The following RBM6 variants were observed in gnomAD, a reference collection of about 807,000 sequenced individuals.
RBM6 encodes RNA-binding protein 6.
Under a neutral mutation model 140.4 loss-of-function variants are expected in RBM6, and 23 were observed. The observed-to-expected ratio is 0.16, with a 90% CI of 0.12 to 0.23. RBM6 has a LOEUF of 0.23. Ranked by LOEUF, RBM6 falls within the 10% of genes least tolerant of loss-of-function variation. The probability of loss-of-function intolerance (pLI) is 1.00; values close to 1 mark genes in which losing one functional copy is unlikely to be tolerated. For missense variants in RBM6, 1,139 were observed against 1,386.7 expected (o/e 0.82, Z 2.84); for synonymous variants, 439 against 475.6 (o/e 0.92, Z 1.00).
intron 11 of RBM6, among the ~76,000 whole-genome samples, chr3:50,060,067 A>C (rs1177352115): frequency 6.6e-6 from 1 of 152,108 alleles, no homozygotes; most frequent in African/African-American, 2.4e-5. Context: ...AGCGGGTTAC[A>C]TGAGCCCAGG....
rs114553143 is a variant in RBM6, at chr3:50,066,203, G to T, written c.2683-39G>T. On this transcript the variant is annotated intron_variant, in intron 16 of 20. Coordinates refer to ENST00000266022, the MANE Select transcript of RBM6 (RefSeq NM_005777.3). Reference sequence around the variant, plus strand: ...CAAAAAAAATGGACCCCAAAATATAGGTTGAATTTGGTATTGATCCCTGGC... The same window carrying T: ...CAAAAAAAATGGACCCCAAAATATATGTTGAATTTGGTATTGATCCCTGGC... 2.6e-6 allele frequency: 4 copies of T among 1,564,892 alleles called. No homozygotes were observed. The South Asian group carries it at 4.7e-5, about 19-fold the overall frequency.
At chr3:49,976,739 T>C (rs1312545576) in intron 5 of RBM6, among the ~76,000 whole-genome samples, 2 of 152,196 alleles carry the variant, frequency 1.3e-5, no homozygotes, top group African/African-American at 2.4e-5. Context: ...TCATTGACTT[T>C]CTAATTGTCA....
At chr3:50,062,935 C>T (rs1237433959) in intron 15 of RBM6, among the ~76,000 whole-genome samples, 1 of 149,758 alleles carries the variant, frequency 6.7e-6, no homozygotes, top group African/African-American at 2.5e-5. Context: ...CCTCTGTCTC[C>T]CAGGTTGGAG....
chr3:50,054,436 G>T, intron 8 of RBM6, 41 bp downstream of exon 8: 2 of 1,490,242 alleles, frequency 1.3e-6, no homozygotes, highest in Non-Finnish European at 1.9e-6. Flanking sequence ...CTCGTGCATT[G>T]AGCAAAACAA....
chr3:50,071,991 G>C (rs570311486), intron 19 of RBM6, among the ~76,000 whole-genome samples: 30 of 145,174 alleles, frequency 2.1e-4, no homozygotes, highest in African/African-American at 7.2e-4. Context: ...GGCTGGGGCA[G>C]AAGAATCGCT....
intron 6 of RBM6, among the ~76,000 whole-genome samples, chr3:50,026,545 A>G (rs2087835037): frequency 6.6e-6 from 1 of 151,548 alleles, no homozygotes; most frequent in African/African-American, 2.4e-5. Context: ...ACGTCTGGCT[A>G]ATTTTTTGTA....
chr3:49,951,212 TTTTG>T (rs1157443935), intron 1 of RBM6, among the ~76,000 whole-genome samples: 2 of 152,156 alleles, frequency 1.3e-5, no homozygotes, highest in African/African-American at 4.8e-5. Flanking sequence ...TACTATTTCT[TTTTG>T]TTTGTTTGTT....
chr3:50,041,423 C>T (rs1350607709), intron 6 of RBM6, among the ~76,000 whole-genome samples: 1 of 152,160 alleles, frequency 6.6e-6, no homozygotes, highest in Admixed American at 6.5e-5. Flanking sequence ...CCATCTCCTC[C>T]TTCCCTCTTC....
At position 49,982,262 on chromosome 3, in the gene RBM6, C is replaced by CTTTTTTTTTTTTTTTTTTT. The variant is rs751604271; in HGVS notation, c.1483+6880_1483+6898dup. ...GTACCTTCTGCATTTCTTTTCTTTTCTTTTTTTTTTTTTTTTTTTTTTTTT... is the reference window on the plus strand; with the variant it reads ...GTACCTTCTGCATTTCTTTTCTTTTCTTTTTTTTTTTTTTTTTTTTTTTTTTTTTTTTTTTTTTTTTTTT... On this transcript the variant is annotated intron_variant, in intron 5 of 20. Transcript: ENST00000266022. Among the ~76,000 whole-genome samples the CTTTTTTTTTTTTTTTTTTT allele has an allele frequency of 2.3e-4, 16 of 68,422 alleles. 2 individuals are homozygous for CTTTTTTTTTTTTTTTTTTT. The highest frequency in any genetic ancestry group is 8.4e-4 in the African/African-American group (14 of 16,748). 44.9% of individuals were successfully genotyped at this position (68,422 alleles called of 152,430 possible).
Position 49,967,556 on chromosome 3 carries a change from C to A in RBM6, c.131C>A (p.Ser44Tyr), listed in dbSNP as rs757342873. Residue 44 changes from serine (S) to tyrosine (Y), a missense_variant, in exon 3 of 21, where the codon TCT (serine) becomes TAT (tyrosine). Around this residue, in one of 9 missense-constraint regions of RBM6, gnomAD observed 566 missense variants for 612.7 expected, o/e 0.92. Transcript: ENST00000266022. This position sits in a 1 kb window ranked among gnomAD's most constrained non-coding sequence, Gnocchi z 4.0. ...PLKSHAQERH[S>Y]GNFPGRDSLP... Reference sequence around the variant, plus strand: ...AAGAGTCATGCTCAAGAGAGACACTCTGGCAACTTTCCTGGCAGAGATTCA... The same window carrying A: ...AAGAGTCATGCTCAAGAGAGACACTATGGCAACTTTCCTGGCAGAGATTCA... 6.2e-7 allele frequency: 1 copy of A among 1,614,032 alleles called. No homozygotes were observed. The highest frequency in any genetic ancestry group is 8.5e-7 in the Non-Finnish European group (1 of 1,180,030).
At chr3:50,068,632 G>A in intron 17 of RBM6, 58 bp from the exon 18 acceptor site, 2 of 1,485,648 alleles carry the variant, frequency 1.3e-6, no homozygotes, top group African/African-American at 1.4e-5. Flanking sequence ...AGGCCTAGAA[G>A]CATCTCTAGG....
chr3:49,951,151 A>G (rs1006378796), intron 1 of RBM6, among the ~76,000 whole-genome samples: 1 of 152,232 alleles, frequency 6.6e-6, no homozygotes, highest in Non-Finnish European at 1.5e-5. Flanking sequence ...AGTGAAAATC[A>G]TAGAAACAGA....
At chr3:49,987,942 A>G in intron 5 of RBM6, among the ~76,000 whole-genome samples, 1 of 152,078 alleles carries the variant, frequency 6.6e-6, no homozygotes, top group African/African-American at 2.4e-5. Context: ...CCGGTCATCA[A>G]AGATAATGTT....
At chr3:49,945,176 ATTTT>A (rs34249907) in intron 1 of RBM6, among the ~76,000 whole-genome samples, 1 of 122,116 alleles carries the variant, frequency 8.2e-6, no homozygotes. Flanking sequence ...CGCCCGGCCA[ATTTT>A]TTTTTTTTTT....
At chr3:50,075,136 A>G (rs748683818) in intron 19 of RBM6, 65 bp from the exon 20 acceptor site, 1 of 1,581,048 alleles carries the variant, frequency 6.3e-7, no homozygotes, top group Non-Finnish European at 8.6e-7. Flanking sequence ...AGCCTGGGCA[A>G]AAAGAGTGAA....
At chr3:49,974,028 G>C (rs1346240803) in intron 4 of RBM6, among the ~76,000 whole-genome samples, 1 of 152,060 alleles carries the variant, frequency 6.6e-6, no homozygotes, top group Admixed American at 6.6e-5. Flanking sequence ...CTCCTGAGTA[G>C]CTGGGACTAC....
intron 6 of RBM6, among the ~76,000 whole-genome samples, chr3:50,038,519 T>C (rs2088677441): frequency 6.6e-6 from 1 of 152,168 alleles, no homozygotes; most frequent in African/African-American, 2.4e-5. Flanking sequence ...CATCTCAGAA[T>C]ATAAAAGTGT....
intron 5 of RBM6, among the ~76,000 whole-genome samples, chr3:49,984,666 GCATCA>G (rs1291188488): frequency 5.5e-5 from 8 of 145,478 alleles, no homozygotes; most frequent in Admixed American, 1.4e-4. Context: ...GCATCGCATT[GCATCA>G]CATCACATCA....
intron 6 of RBM6, among the ~76,000 whole-genome samples, chr3:50,030,070 A>G (rs976272378): frequency 4.2e-4 from 64 of 152,094 alleles, no homozygotes; most frequent in African/African-American, 1.4e-3. Flanking sequence ...GTTCGAGACC[A>G]GCCTGGGCAA....
Sources: allele counts gnomAD v4.1 joint callset (sites outside exome capture counted in the v4.1 genomes callset), GRCh38; gene constraint gnomAD v4.1.1; regional missense constraint gnomAD v4.1.1; non-coding constraint Gnocchi (gnomAD v3.1); transcripts MANE v1.5; gene names NCBI Gene and HGNC (gene_info 2026-07-23, HGNC 2026-07-21).